Variants in PRKN observed in about 807,000 individuals in gnomAD.
PRKN encodes the protein parkin RBR E3 ubiquitin protein ligase, also known as E3 ubiquitin-protein ligase parkin.
A neutral mutation model predicts 59.5 loss-of-function variants in PRKN; 56 were observed. The observed-to-expected ratio is 0.94, with a 90% confidence interval of 0.76 to 1.18. The LOEUF (loss-of-function observed/expected upper bound fraction) is 1.18. Among genes scored for constraint, PRKN ranks in the 50% most tolerant of loss-of-function variants. The probability of loss-of-function intolerance (pLI) is 0.00; values close to 1 mark genes in which losing one functional copy is unlikely to be tolerated. For synonymous variants in PRKN, 250 were observed against 222.1 expected, an observed-to-expected ratio of 1.13 and a Z score of -1.12; for missense variants, 657 against 596.4, an observed-to-expected ratio of 1.10 and a Z score of -1.06.
chr6:162,474,084 C>A (rs1233672480), intron 1 of PRKN, among the ~76,000 whole-genome samples: 1 of 152,146 alleles, frequency 6.6e-6, no homozygotes, highest in African/African-American at 2.4e-5. Context: ...AACAGAAACG[C>A]CCTTTGCCAC....
intron 1 of PRKN, among the ~76,000 whole-genome samples, chr6:162,511,554 A>G (rs1715012549): frequency 6.6e-6 from 1 of 152,180 alleles, no homozygotes; most frequent in Admixed American, 6.5e-5. Flanking sequence ...ATTAAAAGGG[A>G]ATAGGAAATC....
At chr6:161,777,793 G>GATATATGT (rs1554304276) in intron 7 of PRKN, among the ~76,000 whole-genome samples, 247 of 136,286 alleles carry the variant, frequency 1.8e-3, no homozygotes, top group Non-Finnish European at 3.1e-3. Context: ...ATGTATATAT[G>GATATATGT]ATATATGTAT....
At chr6:161,979,493 C>G (rs1217182011) in intron 5 of PRKN, among the ~76,000 whole-genome samples, 1 of 152,058 alleles carries the variant, frequency 6.6e-6, no homozygotes, top group Non-Finnish European at 1.5e-5. Context: ...AGGCTGGTCT[C>G]GAGTTCCTGA....
intron 1 of PRKN, among the ~76,000 whole-genome samples, chr6:162,675,376 A>T (rs1779503508): frequency 6.6e-6 from 1 of 152,118 alleles, no homozygotes; most frequent in Admixed American, 6.5e-5. Context: ...AATTTGAGGT[A>T]GCTCTGGAAA....
At chr6:162,202,241 C>T (rs930656208) in intron 3 of PRKN, among the ~76,000 whole-genome samples, 27 of 151,880 alleles carry the variant, frequency 1.8e-4, no homozygotes, top group Admixed American at 1.8e-3. Flanking sequence ...TTCAGCCTCA[C>T]AAATGCATAT....
intron 3 of PRKN, among the ~76,000 whole-genome samples, chr6:162,223,634 CACACACACACACACACACACACACACA>C (rs911028221): frequency 6.7e-5 from 7 of 104,704 alleles, no homozygotes; most frequent in Non-Finnish European, 1.0e-4. Flanking sequence ...CACACACACA[CACACACACACACACACACACACACACA>C]AACATAATGC....
At chr6:162,362,861 G>C (rs1255075936) in intron 2 of PRKN, among the ~76,000 whole-genome samples, 2 of 151,808 alleles carry the variant, frequency 1.3e-5, no homozygotes, top group African/African-American at 4.8e-5. Flanking sequence ...AGGCGCAGTG[G>C]CTCACGCCTG....
At chr6:161,945,227 C>T (rs1779735735) in intron 6 of PRKN, among the ~76,000 whole-genome samples, 1 of 152,068 alleles carries the variant, frequency 6.6e-6, no homozygotes, top group Non-Finnish European at 1.5e-5. Flanking sequence ...TGCTCACATG[C>T]AGACATCAAT....
In PRKN at chr6:161,462,674, A is replaced by C. The variant is rs958346219; in HGVS notation, c.1084-75797T>G. On this transcript the variant is annotated intron_variant, in intron 9 of 11. Coordinates refer to ENST00000366898, the MANE Select transcript of PRKN (RefSeq NM_004562.3). The surrounding 1 kb of genome is among the most constrained non-coding windows in gnomAD (Gnocchi z 4.5). ...ATTTAATATGTCATTAACAGAGGTT[A>C]ACTTGCTGAAAAATAAGCTGAATTC... is the stretch of plus-strand genomic sequence containing the variant. 2.6e-5 allele frequency among the ~76,000 whole-genome samples: 4 copies of C among 152,232 alleles called. No individual in the cohort carries two copies. Among genetic ancestry groups the C allele is most frequent in the African/African-American group, 9.6e-5 (4 of 41,452 alleles).
chr6:161,629,690 T>C (rs1247982386), intron 7 of PRKN, among the ~76,000 whole-genome samples: 1 of 151,820 alleles, frequency 6.6e-6, no homozygotes, highest in African/African-American at 2.4e-5. Context: ...TCCTCCGCAC[T>C]CTCGCTCTGC....
At chr6:162,172,417 C>T (rs749077252) in intron 4 of PRKN, among the ~76,000 whole-genome samples, 4 of 152,234 alleles carry the variant, frequency 2.6e-5, no homozygotes, top group Admixed American at 2.6e-4. Context: ...GAGCCGCCTG[C>T]TGCCTGTTGC....
Position 161,391,747 on chromosome 6 carries a change from C to T in PRKN, c.1084-4870G>A, listed in dbSNP as rs182659961. Reference sequence around the variant, plus strand: ...ATAACCTGAAGGGGGCTGATTCAATCTGTGGAAAGGCCTAAGAGCATAACT... The same window carrying T: ...ATAACCTGAAGGGGGCTGATTCAATTTGTGGAAAGGCCTAAGAGCATAACT... On this transcript the variant is annotated intron_variant, in intron 9 of 11. Transcript: ENST00000366898. The surrounding 1 kb of genome is among the most constrained non-coding windows in gnomAD (Gnocchi z 4.9). Among the ~76,000 whole-genome samples the T allele has an allele frequency of 1.3e-5, 2 of 152,128 alleles. No individual in the cohort carries two copies. The highest frequency in any genetic ancestry group is 1.3e-4 in the Admixed American group (2 of 15,282).
rs1323663249 is a variant in PRKN, at chr6:161,428,966, A to G, written c.1084-42089T>C. On this transcript the variant is annotated intron_variant, in intron 9 of 11. Transcript: ENST00000366898. The surrounding 1 kb of genome is among the most constrained non-coding windows in gnomAD (Gnocchi z 4.0). Reference sequence around the variant, plus strand: ...CATACATTCCTGCCCTAAGACTGGAAGGCTGGCAGACCAGCTCAGGTCAGC... The same window carrying G: ...CATACATTCCTGCCCTAAGACTGGAGGGCTGGCAGACCAGCTCAGGTCAGC... 1.3e-5 allele frequency among the ~76,000 whole-genome samples: 2 copies of G among 152,120 alleles called. No individual in the cohort carries two copies. Among genetic ancestry groups the G allele is most frequent in the African/African-American group, 4.8e-5 (2 of 41,428 alleles).
At chr6:161,543,485 C>G (rs1232038322) in intron 9 of PRKN, among the ~76,000 whole-genome samples, 1 of 152,150 alleles carries the variant, frequency 6.6e-6, no homozygotes, top group Non-Finnish European at 1.5e-5. Context: ...AGGTGAATGC[C>G]TCATTAGTTC....
chr6:162,458,743 A>G (rs562530699), intron 1 of PRKN, among the ~76,000 whole-genome samples: 96 of 151,776 alleles, frequency 6.3e-4, no homozygotes, highest in African/African-American at 2.2e-3. Context: ...TTATTTCACT[A>G]ATTTTAGGAT....
intron 9 of PRKN, among the ~76,000 whole-genome samples, chr6:161,540,068 G>A (rs890340985): frequency 6.6e-6 from 1 of 151,948 alleles, no homozygotes; most frequent in African/African-American, 2.4e-5. Context: ...CAAGCTGCCT[G>A]TCTGGTGGGG....
intron 7 of PRKN, among the ~76,000 whole-genome samples, chr6:161,773,559 A>G (rs1458533420): frequency 6.6e-6 from 1 of 152,094 alleles, no homozygotes; most frequent in Non-Finnish European, 1.5e-5. Context: ...AAGAAATCCT[A>G]AAGACAGCTG....
intron 4 of PRKN, among the ~76,000 whole-genome samples, chr6:162,122,149 T>C (rs952084238): frequency 5.3e-5 from 8 of 152,178 alleles, no homozygotes; most frequent in African/African-American, 1.9e-4. Flanking sequence ...CAAGACGACA[T>C]GCCCTGTGAA....
At chr6:162,217,764 T>C (rs542741406) in intron 3 of PRKN, among the ~76,000 whole-genome samples, 1 of 152,294 alleles carries the variant, frequency 6.6e-6, no homozygotes, top group South Asian at 2.1e-4. Flanking sequence ...GAAGCACAAT[T>C]CCTATTAGCG....
Sources: gnomAD v4.1 joint callset for allele counts (sites outside exome capture counted in the v4.1 genomes callset) on GRCh38, gnomAD v4.1.1 for gene constraint, Gnocchi (gnomAD v3.1) non-coding constraint, MANE v1.5 for transcripts, NCBI Gene and HGNC (gene_info 2026-07-23, HGNC 2026-07-21) for gene names.